UPRT: variants seen among roughly 807,000 people sequenced by gnomAD.
UPRT encodes RP11-311P8.3.
Under a neutral mutation model 22.6 loss-of-function variants are expected in UPRT, and 5 were observed. The ratio of observed to expected loss-of-function variants is 0.22; its 90% CI spans 0.12 to 0.47. The LOEUF (loss-of-function observed/expected upper bound fraction) is 0.47, where lower values mean the gene tolerates loss of function less well. Among genes scored for constraint, UPRT ranks in the 20% least tolerant of loss-of-function variants. UPRT has a pLI of 0.99. For missense variants in UPRT, 181 were observed against 239.9 expected (o/e 0.75, Z 1.62); for synonymous variants, 77 against 87.7 (o/e 0.88, Z 0.68).
rs757944499 is a variant in UPRT at position 75,297,044 on chromosome X, C to T, written c.500-447C>T. Among the ~76,000 whole-genome samples the T allele has an allele frequency of 4.5e-5, 5 of 111,504 alleles. No individual in the cohort carries two copies. In the East Asian group the frequency reaches 1.4e-3, roughly 32 times the overall value. ...CATGTCTTAATAACTATTTCAGCCA[C>T]TTTCTTCTGCTTTTAAGGCAGAATG... On this transcript the variant is annotated intron_variant, in intron 3 of 6. Transcript: ENST00000373383.
chrX:75,217,521 G>T (rs963073713), intron 4 of UPRT, among the ~76,000 whole-genome samples: 15 of 111,374 alleles, frequency 1.3e-4, no homozygotes, highest in African/African-American at 4.9e-4. Context: ...GGTCCTTCAC[G>T]TCCCTTGTAA....
intron 2 of UPRT, 68 bp from the exon 3 acceptor site, chrX:75,296,274 T>A: frequency 9.4e-7 from 1 of 1,063,947 alleles, no homozygotes; most frequent in Non-Finnish European, 1.3e-6. Flanking sequence ...ACTGTTCAGC[T>A]CCTGAAGCTA....
upstream of UPRT, among the ~76,000 whole-genome samples, chrX:75,273,363 G>A (rs778256259): frequency 5.0e-4 from 55 of 110,260 alleles, no homozygotes; most frequent in African/African-American, 1.7e-3. Context: ...ATCCCATCTC[G>A]GATCTACAGA....
chrX:75,241,365 C>A (rs1326112875), intron 4 of UPRT, among the ~76,000 whole-genome samples: 3 of 111,631 alleles, frequency 2.7e-5, no homozygotes, highest in Non-Finnish European at 5.7e-5. Flanking sequence ...CAAATCTAAA[C>A]CACAATGCAA....
At chrX:75,193,029 G>A (rs887255131) in intron 4 of UPRT, among the ~76,000 whole-genome samples, 16 of 111,902 alleles carry the variant, frequency 1.4e-4, no homozygotes, top group African/African-American at 4.2e-4. Context: ...TGGTTATTAC[G>A]CAGACTTGTT....
chrX:75,183,938 A>T, intron 4 of UPRT, among the ~76,000 whole-genome samples: 1 of 111,730 alleles, frequency 9.0e-6, no homozygotes, highest in Non-Finnish European at 1.9e-5. Context: ...TTGTCAGATG[A>T]GTAGGTTGCG....
intron 4 of UPRT, among the ~76,000 whole-genome samples, chrX:75,229,181 G>A (rs1375553996): frequency 8.9e-6 from 1 of 111,950 alleles, no homozygotes. Flanking sequence ...CAAACAAAAT[G>A]GTAACTATAT....
At chrX:75,277,913 T>G (rs1441909780) in intron 1 of UPRT, among the ~76,000 whole-genome samples, 4 of 111,537 alleles carry the variant, frequency 3.6e-5, no homozygotes, top group African/African-American at 9.8e-5. Flanking sequence ...TTTAAAAAAT[T>G]GTCATCCTCT....
chrX:75,292,800 C>T (rs1340047454), intron 1 of UPRT, among the ~76,000 whole-genome samples: 2 of 110,685 alleles, frequency 1.8e-5, no homozygotes, highest in Non-Finnish European at 3.8e-5. Flanking sequence ...TGTGGGTAGA[C>T]GTAGCCCTGG....
At position 75,214,986 on chromosome X, in the gene UPRT, C is replaced by CACACACAG. The variant is rs1555968479; in HGVS notation, c.-447+47114_-447+47115insGACACACA. On this transcript the variant is annotated intron_variant, in intron 4 of 13. Coordinates refer to the UPRT transcript ENST00000652605. ...ACACACACACACACACACACACACACACACACACACACAAATAAGGCAGGA... is the reference window on the plus strand; with the variant it reads ...ACACACACACACACACACACACACACACACACAGACACACACACACAAATAAGGCAGGA... 3.2e-3 allele frequency among the ~76,000 whole-genome samples: 338 copies of CACACACAG among 106,903 alleles called. 33 individuals are homozygous for CACACACAG. The highest frequency in any genetic ancestry group is 0.011 in the African/African-American group (322 of 28,916). 92.8% of individuals were successfully genotyped at this position (106,903 alleles called of 115,157 possible). A position where few individuals can be genotyped will look rare whatever the true frequency, so the allele number is the denominator to read the frequency against.
chrX:75,235,384 C>T (rs1241414671), intron 4 of UPRT, among the ~76,000 whole-genome samples: 10 of 111,766 alleles, frequency 8.9e-5, no homozygotes, highest in Non-Finnish European at 1.7e-4. Context: ...ACCATTCCTT[C>T]TGAAACTATT....
intron 4 of UPRT, among the ~76,000 whole-genome samples, chrX:75,248,449 A>C (rs908937069): frequency 8.9e-6 from 1 of 112,279 alleles, no homozygotes; most frequent in African/African-American, 3.2e-5. Context: ...AACGGGAAGA[A>C]AGGGTATCAG....
intron 1 of UPRT, among the ~76,000 whole-genome samples, chrX:75,159,379 C>G (rs892956102): frequency 8.9e-6 from 1 of 112,114 alleles, no homozygotes; most frequent in African/African-American, 3.2e-5. Flanking sequence ...TAAAGAAAAG[C>G]TAAATGTTTC....
intron 1 of UPRT, among the ~76,000 whole-genome samples, chrX:75,282,123 C>G (rs997326287): frequency 9.0e-6 from 1 of 111,221 alleles, no homozygotes; most frequent in South Asian, 3.7e-4. Context: ...TCTCCTGTTT[C>G]ATTTCTTAGT....
chrX:75,229,088 A>G (rs1372912148), intron 4 of UPRT, among the ~76,000 whole-genome samples: 1 of 112,020 alleles, frequency 8.9e-6, no homozygotes, highest in Non-Finnish European at 1.9e-5. Context: ...CTAATGTACC[A>G]TATGGTTGAC....
intron 4 of UPRT, among the ~76,000 whole-genome samples, chrX:75,203,701 G>T (rs184694910): frequency 9.2e-4 from 103 of 111,398 alleles, no homozygotes; most frequent in Non-Finnish European, 1.3e-3. Context: ...CCTGGAAAAT[G>T]TTGATAATGT....
chrX:75,259,205 T>C (rs946429319), intron 4 of UPRT, among the ~76,000 whole-genome samples: 1 of 110,466 alleles, frequency 9.1e-6, no homozygotes, highest in African/African-American at 3.3e-5. Flanking sequence ...AAAACCAAAA[T>C]GCCTCTACTC....
At chrX:75,250,875 G>A (rs771736969) in intron 4 of UPRT, among the ~76,000 whole-genome samples, 2 of 111,914 alleles carry the variant, frequency 1.8e-5, no homozygotes, top group African/African-American at 6.5e-5. Flanking sequence ...GATCAAGTGG[G>A]CTTCATCCCT....
chrX:75,166,268 C>T (rs924719601), intron 3 of UPRT, among the ~76,000 whole-genome samples: 3 of 111,850 alleles, frequency 2.7e-5, no homozygotes, highest in Non-Finnish European at 3.8e-5. Flanking sequence ...AACACTTCTC[C>T]TGTCTCCTCC....
Sources: allele counts gnomAD v4.1 joint callset (sites outside exome capture counted in the v4.1 genomes callset), GRCh38; gene constraint gnomAD v4.1.1; transcripts MANE v1.5; gene names NCBI Gene and HGNC (gene_info 2026-07-23, HGNC 2026-07-21).